Variants in IL1RAPL2 observed in about 807,000 individuals in gnomAD.
IL1RAPL2 encodes the protein X-linked interleukin-1 receptor accessory protein-like 2.
Under a neutral mutation model 44.1 loss-of-function variants are expected in IL1RAPL2, and 3 were observed. That is an observed-to-expected ratio of 0.07 (90% CI 0.03 to 0.18). IL1RAPL2 has a LOEUF of 0.18. Among genes scored for constraint, IL1RAPL2 ranks in the 10% least tolerant of loss-of-function variants. IL1RAPL2 has a pLI of 1.00. For synonymous variants in IL1RAPL2, 181 were observed against 178.8 expected (o/e 1.01, Z -0.10); for missense variants, 391 against 496.4 (o/e 0.79, Z 2.02).
chrX:105,112,792 A>G (rs2032815026), intron 2 of IL1RAPL2, among the ~76,000 whole-genome samples: 1 of 112,867 alleles, frequency 8.9e-6, no homozygotes, highest in Non-Finnish European at 1.9e-5. Flanking sequence ...ATTGTTACAA[A>G]AGAAACTGCT....
chrX:105,582,855 T>C (rs927490480), intron 6 of IL1RAPL2, among the ~76,000 whole-genome samples: 1 of 111,172 alleles, frequency 9.0e-6, no homozygotes, highest in African/African-American at 3.3e-5. Context: ...TCATGAGATA[T>C]CATTTTAATA....
rs144368970 is a variant in IL1RAPL2 at position 105,440,560 on chromosome X, A to G, written c.698-43753A>G. On this transcript the variant is annotated intron_variant, in intron 5 of 10. Coordinates refer to ENST00000372582, the MANE Select transcript of IL1RAPL2 (RefSeq NM_017416.2). ...GTTTTGAATGCCTGGCAAAATTTGTATATGCCACTAACAGTAACTTAAGTG... is the reference window on the plus strand; with the variant it reads ...GTTTTGAATGCCTGGCAAAATTTGTGTATGCCACTAACAGTAACTTAAGTG... Among the ~76,000 whole-genome samples the G allele has an allele frequency of 3.2e-3, 360 of 112,170 alleles. 5 individuals are homozygous for G. The highest frequency in any genetic ancestry group is 0.03 in the East Asian group (107 of 3,537).
At chrX:105,706,691 A>G (rs1264743947) in intron 6 of IL1RAPL2, among the ~76,000 whole-genome samples, 1 of 111,398 alleles carries the variant, frequency 9.0e-6, no homozygotes, top group Non-Finnish European at 1.9e-5. Flanking sequence ...CAACTTTGTG[A>G]ATTACATTCA....
intron 2 of IL1RAPL2, among the ~76,000 whole-genome samples, chrX:105,058,718 G>A (rs73638475): frequency 0.017 from 1,953 of 111,984 alleles, 47 homozygotes; most frequent in African/African-American, 0.06. Flanking sequence ...AAAAAGGAAT[G>A]TATGACTTAG....
chrX:104,982,840 G>A (rs5963013), intron 2 of IL1RAPL2, among the ~76,000 whole-genome samples: 53,924 of 109,796 alleles, frequency 0.49, 9,843 homozygotes, highest in African/African-American at 0.62. Context: ...TTCAATTCTT[G>A]TATAGCAATT....
chrX:105,021,719 T>C (rs749995852), intron 2 of IL1RAPL2, among the ~76,000 whole-genome samples: 3 of 111,878 alleles, frequency 2.7e-5, no homozygotes, highest in Non-Finnish European at 5.7e-5. Context: ...TGATTATGAC[T>C]AGGATTGGAC....
intron 2 of IL1RAPL2, among the ~76,000 whole-genome samples, chrX:104,674,244 A>T (rs184411045): frequency 0.019 from 2,082 of 111,535 alleles, 49 homozygotes; most frequent in African/African-American, 0.063. Flanking sequence ...TTTGTCATAG[A>T]TAGCTCTTAT....
chrX:104,720,603 A>G, intron 2 of IL1RAPL2, among the ~76,000 whole-genome samples: 1 of 111,291 alleles, frequency 9.0e-6, no homozygotes, highest in African/African-American at 3.3e-5. Flanking sequence ...GTAGTTAAAG[A>G]CTGATCTGTC....
intron 6 of IL1RAPL2, among the ~76,000 whole-genome samples, chrX:105,689,060 A>G (rs1273075519): frequency 8.0e-5 from 9 of 112,023 alleles, no homozygotes; most frequent in Admixed American, 7.6e-4. Flanking sequence ...TAAACCTTAT[A>G]CAAAAATTAA....
intron 2 of IL1RAPL2, among the ~76,000 whole-genome samples, chrX:104,884,511 C>A (rs1178513185): frequency 9.0e-6 from 1 of 111,267 alleles, no homozygotes; most frequent in Non-Finnish European, 1.9e-5. Context: ...CATCAACAGG[C>A]TCACCTTTGA....
intron 5 of IL1RAPL2, among the ~76,000 whole-genome samples, chrX:105,367,755 G>A (rs1215339137): frequency 9.0e-6 from 1 of 111,412 alleles, no homozygotes; most frequent in East Asian, 2.8e-4. Context: ...AACTTTCATA[G>A]TAGATATAAT....
intron 6 of IL1RAPL2, among the ~76,000 whole-genome samples, chrX:105,715,658 T>C (rs1399885097): frequency 9.0e-6 from 1 of 111,358 alleles, no homozygotes; most frequent in Non-Finnish European, 1.9e-5. Flanking sequence ...ATATTCAGGG[T>C]ACATGGGCTT....
intron 2 of IL1RAPL2, among the ~76,000 whole-genome samples, chrX:105,006,680 T>C (rs1307607944): frequency 5.4e-5 from 6 of 110,571 alleles, no homozygotes; most frequent in African/African-American, 2.0e-4. Context: ...TACAGATGAG[T>C]TCATCAATTA....
intron 2 of IL1RAPL2, among the ~76,000 whole-genome samples, chrX:104,718,032 CT>C (rs1931609071): frequency 2.7e-5 from 3 of 110,966 alleles, no homozygotes; most frequent in Admixed American, 1.9e-4. Context: ...GGTTCCAAGT[CT>C]TTGTTATTGT....
chrX:105,223,018 C>T (rs1334551598), intron 3 of IL1RAPL2, among the ~76,000 whole-genome samples: 3 of 110,328 alleles, frequency 2.7e-5, no homozygotes, highest in South Asian at 4.0e-4. Context: ...GGCGTAATGG[C>T]GCACGCCTGT....
intron 2 of IL1RAPL2, among the ~76,000 whole-genome samples, chrX:105,065,433 T>C (rs1241555775): frequency 9.0e-6 from 1 of 111,695 alleles, no homozygotes; most frequent in Non-Finnish European, 1.9e-5. Flanking sequence ...TAAAAAGCAC[T>C]AGTTTCTCCC....
At chrX:105,384,983 C>G (rs1309665100) in intron 5 of IL1RAPL2, among the ~76,000 whole-genome samples, 1 of 111,113 alleles carries the variant, frequency 9.0e-6, no homozygotes, top group Non-Finnish European at 1.9e-5. Flanking sequence ...ATTTGTTTAT[C>G]AGTTCTAATA....
At chrX:104,987,488 G>C (rs760275525) in intron 2 of IL1RAPL2, among the ~76,000 whole-genome samples, 32 of 109,272 alleles carry the variant, frequency 2.9e-4, no homozygotes, top group African/African-American at 9.0e-4. Flanking sequence ...AAACCATTCT[G>C]TTAGTACAGC....
At chrX:104,598,692 A>G (rs745906404) in intron 1 of IL1RAPL2, among the ~76,000 whole-genome samples, 8 of 111,698 alleles carry the variant, frequency 7.2e-5, no homozygotes, top group Non-Finnish European at 1.1e-4. Context: ...TCTTTTTGTG[A>G]TAAAATTTCT....
Sources: allele counts gnomAD v4.1 joint callset (sites outside exome capture counted in the v4.1 genomes callset), GRCh38; gene constraint gnomAD v4.1.1; transcripts MANE v1.5; gene names NCBI Gene and HGNC (gene_info 2026-07-23, HGNC 2026-07-21).